Variants in SLC9A9 observed in about 807,000 individuals in gnomAD.
SLC9A9 encodes the protein sodium/hydrogen exchanger 9.
SLC9A9 carries 62 observed loss-of-function variants against 77.8 expected under a neutral mutation model. The observed-to-expected ratio is 0.80, with a 90% CI of 0.65 to 0.98. The LOEUF (loss-of-function observed/expected upper bound fraction) is 0.98, where lower values mean the gene tolerates loss of function less well. SLC9A9 is among the 50% of genes least tolerant of loss of function. The probability of loss-of-function intolerance (pLI) is 0.00; values close to 1 mark genes in which losing one functional copy is unlikely to be tolerated. For missense variants in SLC9A9, 775 were observed against 774.9 expected, an observed-to-expected ratio of 1.00 and a Z score of 0.00; for synonymous variants, 320 against 283.5, an observed-to-expected ratio of 1.13 and a Z score of -1.29.
chr3:143,677,071 A>G (rs934845050), intron 5 of SLC9A9, among the ~76,000 whole-genome samples: 3 of 152,204 alleles, frequency 2.0e-5, no homozygotes, highest in African/African-American at 7.2e-5. Flanking sequence ...GCACATGTTC[A>G]TTGCTGAGTT....
chr3:143,337,343 A>G (rs544261730), intron 14 of SLC9A9, among the ~76,000 whole-genome samples: 1 of 152,142 alleles, frequency 6.6e-6, no homozygotes, highest in East Asian at 1.9e-4. Context: ...GTATTTTGTC[A>G]TGTGTACTCT....
intron 12 of SLC9A9, among the ~76,000 whole-genome samples, chr3:143,417,846 C>T (rs186032968): frequency 6.6e-6 from 1 of 151,998 alleles, no homozygotes; most frequent in Non-Finnish European, 1.5e-5. Flanking sequence ...GGCCATGGAA[C>T]TATGGAAGAG....
chr3:143,382,165 GAC>G (rs775574608), intron 12 of SLC9A9, 51 bp from the exon 13 acceptor site: 2 of 1,596,206 alleles, frequency 1.3e-6, no homozygotes, highest in East Asian at 2.2e-5. Flanking sequence ...GAAGGAATGA[GAC>G]AGTCTTGTGT....
In SLC9A9 at chr3:143,289,715, C is replaced by A. The variant is rs1039571395; in HGVS notation, c.1605-20735G>T. Among the ~76,000 whole-genome samples, 12 of 152,214 alleles carry A rather than the reference C, an allele frequency of 7.9e-5. 1 individual carries two copies. Among genetic ancestry groups the A allele is most frequent in the African/African-American group, 2.9e-4 (12 of 41,454 alleles). The stretch of plus-strand genomic sequence containing the variant: ...TCATCCATCTACTCCCTTTATCCCA[C>A]AGCTGCTGCCAGCACCCCTCCCTTA... On this transcript the variant is annotated intron_variant, in intron 14 of 15. Coordinates refer to ENST00000316549, the MANE Select transcript of SLC9A9 (RefSeq NM_173653.4).
intron 12 of SLC9A9, among the ~76,000 whole-genome samples, chr3:143,441,524 C>T (rs1427200824): frequency 1.3e-5 from 2 of 152,148 alleles, no homozygotes; most frequent in African/African-American, 4.8e-5. Flanking sequence ...TAGTCAAAGG[C>T]ATCTTGGCAG....
chr3:143,637,146 T>C (rs1363820090), intron 6 of SLC9A9, among the ~76,000 whole-genome samples: 3 of 152,094 alleles, frequency 2.0e-5, no homozygotes, highest in Non-Finnish European at 4.4e-5. Flanking sequence ...ATGAAAATTC[T>C]AAAATGACAG....
At chr3:143,541,253 C>A (rs1185634740) in intron 9 of SLC9A9, among the ~76,000 whole-genome samples, 1 of 152,124 alleles carries the variant, frequency 6.6e-6, no homozygotes, top group Non-Finnish European at 1.5e-5. Flanking sequence ...TTGCTCTGGG[C>A]AAAGTAAGCT....
intron 6 of SLC9A9, among the ~76,000 whole-genome samples, chr3:143,581,307 C>A (rs2108665765): frequency 6.6e-6 from 1 of 152,218 alleles, no homozygotes; most frequent in Non-Finnish European, 1.5e-5. Flanking sequence ...ATGGGTGAGG[C>A]AGCATTACTC....
chr3:143,470,701 A>C (rs2035363328), intron 11 of SLC9A9, among the ~76,000 whole-genome samples: 1 of 152,188 alleles, frequency 6.6e-6, no homozygotes, highest in East Asian at 1.9e-4. Context: ...ACTAGAATAC[A>C]AATTAAAACT....
At chr3:143,683,862 G>C (rs1371883981) in intron 5 of SLC9A9, among the ~76,000 whole-genome samples, 1 of 151,968 alleles carries the variant, frequency 6.6e-6, no homozygotes, top group Non-Finnish European at 1.5e-5. Flanking sequence ...AACTAACCAG[G>C]TAGGAAGAAT....
At chr3:143,650,800 C>T (rs2038782751) in intron 6 of SLC9A9, among the ~76,000 whole-genome samples, 1 of 152,180 alleles carries the variant, frequency 6.6e-6, no homozygotes, top group Admixed American at 6.5e-5. Context: ...GTAGGAGAGG[C>T]ATCTGCAATA....
At chr3:143,715,954 G>T (rs1337678573) in intron 4 of SLC9A9, among the ~76,000 whole-genome samples, 1 of 152,200 alleles carries the variant, frequency 6.6e-6, no homozygotes. Flanking sequence ...ACCCAAAAGA[G>T]TAAATTGTTT....
chr3:143,810,441 T>TA (rs1032473159), intron 2 of SLC9A9, among the ~76,000 whole-genome samples: 1 of 152,232 alleles, frequency 6.6e-6, no homozygotes, highest in Non-Finnish European at 1.5e-5. Context: ...AGAGGTCTTT[T>TA]AAAAACATTG....
intron 12 of SLC9A9, among the ~76,000 whole-genome samples, chr3:143,403,097 TA>T (rs1480900598): frequency 6.6e-6 from 1 of 152,138 alleles, no homozygotes; most frequent in Non-Finnish European, 1.5e-5. Flanking sequence ...ATATTACATC[TA>T]TATATGTTAT....
intron 9 of SLC9A9, among the ~76,000 whole-genome samples, chr3:143,540,417 G>A (rs2036668028): frequency 1.3e-5 from 2 of 152,178 alleles, no homozygotes; most frequent in African/African-American, 4.8e-5. Context: ...CAGGGTTGTA[G>A]TAAAGCAGGG....
intron 5 of SLC9A9, among the ~76,000 whole-genome samples, chr3:143,685,327 T>C (rs1179705802): frequency 2.0e-5 from 3 of 152,138 alleles, no homozygotes; most frequent in African/African-American, 7.2e-5. Flanking sequence ...GTCACATTTC[T>C]AGGGTTCAGT....
chr3:143,653,300 T>C (rs1274888552), intron 5 of SLC9A9, among the ~76,000 whole-genome samples: 1 of 152,176 alleles, frequency 6.6e-6, no homozygotes, highest in African/African-American at 2.4e-5. Context: ...ACACTGATTA[T>C]CTGTGTTCAT....
At chr3:143,573,416 T>C (rs1344939958) in intron 8 of SLC9A9, among the ~76,000 whole-genome samples, 1 of 152,098 alleles carries the variant, frequency 6.6e-6, no homozygotes, top group Non-Finnish European at 1.5e-5. Flanking sequence ...AAGCACCCAA[T>C]TGTTGCAGTA....
chr3:143,641,644 T>C (rs918363753), intron 6 of SLC9A9, among the ~76,000 whole-genome samples: 7 of 152,110 alleles, frequency 4.6e-5, no homozygotes, highest in African/African-American at 1.7e-4. Context: ...CCGCCAGCCT[T>C]GGCCTCCCAA....
Sources: allele counts gnomAD v4.1 joint callset (sites outside exome capture counted in the v4.1 genomes callset), GRCh38; gene constraint gnomAD v4.1.1; transcripts MANE v1.5; gene names NCBI Gene and HGNC (gene_info 2026-07-23, HGNC 2026-07-21).